Variants in RTL4 observed in about 807,000 individuals in gnomAD.
RTL4 encodes retrotransposon Gag-like protein 4.
RTL4 carries 4 observed loss-of-function variants against 5.3 expected under a neutral mutation model. The observed-to-expected ratio is 0.75, with a 90% CI of 0.37 to 1.72. The LOEUF (loss-of-function observed/expected upper bound fraction) is 1.72, where lower values mean the gene tolerates loss of function less well. RTL4 is among the 40% of genes most tolerant of loss of function. RTL4 has a pLI of 0.04. For missense variants in RTL4, 260 were observed against 227.1 expected (o/e 1.14, Z -0.93); for synonymous variants, 98 against 87.3 (o/e 1.12, Z -0.68).
the RTL4 span, among the ~76,000 whole-genome samples, chrX:112,421,210 G>A: frequency 9.0e-6 from 1 of 111,590 alleles, no homozygotes; most frequent in Non-Finnish European, 1.9e-5. Context: ...ACTAAAACTG[G>A]ATTTGTCAAG....
At chrX:112,149,203 C>T in the RTL4 span, among the ~76,000 whole-genome samples, 1 of 111,498 alleles carries the variant, frequency 9.0e-6, no homozygotes, top group Non-Finnish European at 1.9e-5. Flanking sequence ...TGAGTGAGAC[C>T]TTTTTCGAGG....
chrX:112,099,180 A>G, the RTL4 span, among the ~76,000 whole-genome samples: 5 of 111,812 alleles, frequency 4.5e-5, no homozygotes, highest in African/African-American at 1.6e-4. Context: ...ACTCAAACAA[A>G]TTTACCAGAA....
the RTL4 span, among the ~76,000 whole-genome samples, chrX:112,172,858 A>G: frequency 9.0e-6 from 1 of 111,412 alleles, no homozygotes; most frequent in Non-Finnish European, 1.9e-5. Flanking sequence ...ATTTGCAGGG[A>G]CATGGATAGA....
chrX:112,274,891 C>A, the RTL4 span, among the ~76,000 whole-genome samples: 1 of 111,742 alleles, frequency 8.9e-6, no homozygotes, highest in East Asian at 2.8e-4. Context: ...CTGAAACTAG[C>A]AGAGTACATG....
the RTL4 span, among the ~76,000 whole-genome samples, chrX:112,243,469 C>G: frequency 9.0e-6 from 1 of 111,506 alleles, no homozygotes; most frequent in African/African-American, 3.3e-5. Flanking sequence ...TCTAGATTTT[C>G]TAGTATATTT....
chrX:112,336,553 T>G, the RTL4 span, among the ~76,000 whole-genome samples: 1 of 112,201 alleles, frequency 8.9e-6, no homozygotes, highest in Non-Finnish European at 1.9e-5. Context: ...GCCTAAATTA[T>G]TTATTGTTTT....
chrX:112,318,640 GCTT>G, the RTL4 span, among the ~76,000 whole-genome samples: 1 of 111,550 alleles, frequency 9.0e-6, no homozygotes, highest in Non-Finnish European at 1.9e-5. Context: ...CTATACTGAA[GCTT>G]CTTCTTATTC....
the RTL4 span, among the ~76,000 whole-genome samples, chrX:112,209,642 G>A: frequency 2.7e-5 from 3 of 111,612 alleles, no homozygotes; most frequent in African/African-American, 9.8e-5. Flanking sequence ...ACTTCCTCAT[G>A]TAACTTACTT....
At chrX:112,180,143 C>T in the RTL4 span, among the ~76,000 whole-genome samples, 1 of 111,174 alleles carries the variant, frequency 9.0e-6, no homozygotes, top group Non-Finnish European at 1.9e-5. Flanking sequence ...GCCCCTCTTC[C>T]ACTTTTCTGA....
At chrX:112,108,612 C>T in the RTL4 span, among the ~76,000 whole-genome samples, 9 of 111,375 alleles carry the variant, frequency 8.1e-5, no homozygotes, top group African/African-American at 1.3e-4. Flanking sequence ...TTGACTCTTC[C>T]GGTATAGGCC....
the RTL4 span, among the ~76,000 whole-genome samples, chrX:112,173,265 A>G: frequency 1.8e-5 from 2 of 111,482 alleles, no homozygotes; most frequent in Non-Finnish European, 3.8e-5. Context: ...AGGATCCTAG[A>G]TTTTTAAAAA....
At chrX:112,393,237 G>A in the RTL4 span, among the ~76,000 whole-genome samples, 4 of 101,409 alleles carry the variant, frequency 3.9e-5, no homozygotes, top group East Asian at 3.1e-4. Flanking sequence ...GCAGTGGCGC[G>A]ATCTCGGCTC....
the RTL4 span, among the ~76,000 whole-genome samples, chrX:112,375,485 G>A: frequency 4.5e-5 from 5 of 111,468 alleles, no homozygotes; most frequent in African/African-American, 1.6e-4. Flanking sequence ...GTATAATGGG[G>A]GGAGCCAGGT....
chrX:112,100,715 T>G, the RTL4 span, among the ~76,000 whole-genome samples: 1 of 111,933 alleles, frequency 8.9e-6, no homozygotes. Context: ...CTTCTTGAAG[T>G]CTAGCTATCA....
chrX:112,373,979 A>G, the RTL4 span, among the ~76,000 whole-genome samples: 2 of 111,112 alleles, frequency 1.8e-5, no homozygotes, highest in Non-Finnish European at 3.8e-5. Context: ...TTTATTGATG[A>G]GTAGTTTAAT....
At chrX:112,175,892 G>A in the RTL4 span, among the ~76,000 whole-genome samples, 5 of 111,106 alleles carry the variant, frequency 4.5e-5, no homozygotes, top group East Asian at 1.1e-3. Context: ...AGTTAGGCAG[G>A]AGAAGGAAAT....
the RTL4 span, among the ~76,000 whole-genome samples, chrX:112,103,143 G>A: frequency 3.6e-4 from 40 of 111,589 alleles, no homozygotes; most frequent in Non-Finnish European, 5.1e-4. Flanking sequence ...TGTGTTCATT[G>A]CAGCACTATT....
At chrX:112,281,965 T>C in the RTL4 span, among the ~76,000 whole-genome samples, 2 of 112,351 alleles carry the variant, frequency 1.8e-5, no homozygotes, top group Non-Finnish European at 3.8e-5. Context: ...GATTGTTTCC[T>C]TTGCTGTGGA....
the RTL4 span, among the ~76,000 whole-genome samples, chrX:112,156,683 T>C: frequency 9.0e-6 from 1 of 111,568 alleles, no homozygotes; most frequent in African/African-American, 3.3e-5. Context: ...TTTCCTGCAT[T>C]AGAAAAAAGT....
Sources: gnomAD v4.1 joint callset for allele counts (sites outside exome capture counted in the v4.1 genomes callset) on GRCh38, gnomAD v4.1.1 for gene constraint, MANE v1.5 for transcripts, NCBI Gene and HGNC (gene_info 2026-07-23, HGNC 2026-07-21) for gene names.